The following RUNX3 variants were observed in gnomAD, a reference collection of about 807,000 sequenced individuals.
RUNX3 encodes runt-related transcription factor 3.
RUNX3 carries 10 observed loss-of-function variants against 27.7 expected under a neutral mutation model. The ratio of observed to expected loss-of-function variants is 0.36; its 90% CI spans 0.22 to 0.61. The LOEUF (loss-of-function observed/expected upper bound fraction) is 0.61. Among genes scored for constraint, RUNX3 ranks in the 20% least tolerant of loss-of-function variants. The pLI is 0.72. For synonymous variants in RUNX3, 270 were observed against 269.2 expected, an observed-to-expected ratio of 1.00 and a Z score of -0.03; for missense variants, 469 against 629.5, an observed-to-expected ratio of 0.75 and a Z score of 2.73.
chr1:24,928,052 A>G (rs1161263838), intron 1 of RUNX3, among the ~76,000 whole-genome samples: 1 of 152,234 alleles, frequency 6.6e-6, no homozygotes, highest in African/African-American at 2.4e-5. Flanking sequence ...TGTGGGGTGC[A>G]GTTCCCCTGT....
chr1:24,917,137 C>T (rs1417766228), intron 3 of RUNX3, among the ~76,000 whole-genome samples: 2 of 152,284 alleles, frequency 1.3e-5, no homozygotes, highest in African/African-American at 2.4e-5. Flanking sequence ...TTGGATCTTC[C>T]CACCAAGCGT....
intron 3 of RUNX3, among the ~76,000 whole-genome samples, chr1:24,910,324 AG>A (rs1348863607): frequency 1.4e-5 from 2 of 147,946 alleles, no homozygotes; most frequent in African/African-American, 5.0e-5. Flanking sequence ...GGAGGGGGTA[AG>A]GGGGAGGAGA....
rs72876135 is a variant in RUNX3, at chr1:24,942,946, C to T, written c.59-13094G>A. Among the ~76,000 whole-genome samples the T allele has an allele frequency of 4.6e-5, 7 of 152,324 alleles. No individual in the cohort carries two copies. The East Asian group carries it at 1.2e-3, about 25-fold the overall frequency. On this transcript the variant is annotated intron_variant, in intron 2 of 6. Transcript: ENST00000338888. ...CACTGTGGAGCCAGCCCGTGGGCAC[C>T]GCTCCTGAGAGGTCACAGGCTGGAA... is the stretch of plus-strand genomic sequence containing the variant.
intron 2 of RUNX3, among the ~76,000 whole-genome samples, chr1:24,921,637 T>C (rs1343999562): frequency 6.6e-6 from 1 of 152,196 alleles, no homozygotes. Context: ...TCCTACTGCC[T>C]TTCCTCACTC....
At chr1:24,921,056 CACTCT>C (rs1221936870) in intron 2 of RUNX3, among the ~76,000 whole-genome samples, 1 of 152,186 alleles carries the variant, frequency 6.6e-6, no homozygotes, top group Admixed American at 6.5e-5. Context: ...AATGGTCTCG[CACTCT>C]CACCTGTACC....
intron 2 of RUNX3, among the ~76,000 whole-genome samples, chr1:24,958,406 G>T (rs537572736): frequency 1.3e-5 from 2 of 152,320 alleles, no homozygotes; most frequent in East Asian, 3.9e-4. Flanking sequence ...TGTTTTACAA[G>T]ACCACACACC....
At position 24,927,592 on chromosome 1, in the gene RUNX3, C is replaced by G. The variant is rs997790972; in HGVS notation, c.421G>C (p.Val141Leu). The stretch of plus-strand genomic sequence containing the variant: ...CACTTACCTCGCCCACTGCGGCCCA[C>G]GAAGCGAAGGTCGTTGAACCTGGCC... ...QVARFNDLRF[V>L]GRSGRGKSFT... Residue 141 changes from valine (V) to leucine (L), a missense_variant, in exon 2 of 5, where the codon GTG (valine) becomes CTG (leucine). By Grantham distance (32) the Val-to-Leu change is conservative. Around this residue, in one of 3 missense-constraint regions of RUNX3, gnomAD observed 75 missense variants for 168.5 expected, o/e 0.45. Coordinates refer to ENST00000308873, the MANE Select transcript of RUNX3 (RefSeq NM_004350.3). This position sits in a 1 kb window ranked among gnomAD's most constrained non-coding sequence, Gnocchi z 5.0. The G allele has an allele frequency of 8.7e-6, 14 of 1,614,006 alleles. No individual in the cohort carries two copies. Among genetic ancestry groups the G allele is most frequent in the Non-Finnish European group, 1.0e-5 (12 of 1,180,028 alleles).
At chr1:24,914,617 G>T (rs1027471280) in intron 3 of RUNX3, among the ~76,000 whole-genome samples, 5 of 152,154 alleles carry the variant, frequency 3.3e-5, no homozygotes, top group Non-Finnish European at 7.4e-5. Flanking sequence ...GGTTGATTAG[G>T]AGAACCCAGG....
intron 3 of RUNX3, among the ~76,000 whole-genome samples, chr1:24,914,076 A>G (rs1346239082): frequency 6.6e-6 from 1 of 152,230 alleles, no homozygotes; most frequent in Non-Finnish European, 1.5e-5. Flanking sequence ...CAAACCTGGA[A>G]AGGTCACACA....
At chr1:24,922,200 T>C (rs1641013545) in intron 2 of RUNX3, among the ~76,000 whole-genome samples, 1 of 151,230 alleles carries the variant, frequency 6.6e-6, no homozygotes, top group Non-Finnish European at 1.5e-5. Flanking sequence ...TCTTTCTTTT[T>C]TTTTTTTTTC....
At chr1:24,912,110 A>G (rs1557839028) in intron 3 of RUNX3, among the ~76,000 whole-genome samples, 2 of 152,214 alleles carry the variant, frequency 1.3e-5, no homozygotes, top group African/African-American at 4.8e-5. Context: ...GGTCTTCAGA[A>G]AAAGCCTCTT....
At chr1:24,948,070 C>T (rs542200634) in intron 2 of RUNX3, among the ~76,000 whole-genome samples, 1 of 152,348 alleles carries the variant, frequency 6.6e-6, no homozygotes, top group Non-Finnish European at 1.5e-5. Flanking sequence ...GGCCCTGACT[C>T]TGTCACATCA....
chr1:24,908,699 A>G (rs1640739262), intron 3 of RUNX3, among the ~76,000 whole-genome samples: 1 of 152,146 alleles, frequency 6.6e-6, no homozygotes, highest in Admixed American at 6.5e-5. Flanking sequence ...GACATGAGAA[A>G]GTGGCTCATG....
upstream of RUNX3, among the ~76,000 whole-genome samples, chr1:24,930,727 C>T (rs1001098422): frequency 6.6e-6 from 1 of 152,202 alleles, no homozygotes; most frequent in Non-Finnish European, 1.5e-5. This position sits in a 1 kb window ranked among gnomAD's most constrained non-coding sequence, Gnocchi z 4.1. Flanking sequence ...GGTGACGCCG[C>T]ACTGGGAGCC....
chr1:24,907,218 C>T (rs758604929), intron 4 of RUNX3, 41 bp downstream of exon 4: 1 of 1,591,504 alleles, frequency 6.3e-7, no homozygotes, highest in African/African-American at 1.3e-5. Flanking sequence ...GGCCCTCCAC[C>T]CCCACCTCAC....
At chr1:24,963,626 G>A (rs1389931559) in intron 2 of RUNX3, among the ~76,000 whole-genome samples, 1 of 152,162 alleles carries the variant, frequency 6.6e-6, no homozygotes, top group Non-Finnish European at 1.5e-5. Flanking sequence ...CGTGGGACTT[G>A]AGCTCAGGGA....
chr1:24,922,372 G>A (rs1381836809), intron 2 of RUNX3, among the ~76,000 whole-genome samples: 1 of 151,774 alleles, frequency 6.6e-6, no homozygotes, highest in African/African-American at 2.4e-5. Flanking sequence ...AACTAGGGTA[G>A]GAAAAAATTA....
At chr1:24,913,429 T>A (rs2124268090) in intron 3 of RUNX3, among the ~76,000 whole-genome samples, 1 of 152,354 alleles carries the variant, frequency 6.6e-6, no homozygotes, top group East Asian at 1.9e-4. Flanking sequence ...AGCTGTCTTA[T>A]CTGCAAAATG....
At chr1:24,958,502 T>C (rs1176263617) in intron 2 of RUNX3, among the ~76,000 whole-genome samples, 1 of 152,238 alleles carries the variant, frequency 6.6e-6, no homozygotes, top group East Asian at 1.9e-4. Flanking sequence ...ACTGATTCAC[T>C]GTTCCTTGTT....
Sources: allele counts gnomAD v4.1 joint callset (sites outside exome capture counted in the v4.1 genomes callset), GRCh38; gene constraint gnomAD v4.1.1; regional missense constraint gnomAD v4.1.1; non-coding constraint Gnocchi (gnomAD v3.1); transcripts MANE v1.5; gene names NCBI Gene and HGNC (gene_info 2026-07-23, HGNC 2026-07-21).